SCN7A: variants seen among roughly 807,000 people sequenced by gnomAD.
The protein encoded by SCN7A is sodium voltage-gated channel alpha subunit 7.
In SCN7A, 138 loss-of-function variants were observed where a neutral mutation model predicts 155.2. That is an observed-to-expected ratio of 0.89 (90% confidence interval 0.77 to 1.02). The LOEUF is 1.02. SCN7A is among the 50% of genes least tolerant of loss of function. SCN7A has a pLI of 0.00. For synonymous variants in SCN7A, 693 were observed against 649.0 expected (o/e 1.07, Z -1.03); for missense variants, 2,058 against 1,986.6 (o/e 1.04, Z -0.68).
At chr2:166,458,238 G>A (rs1404636309) in intron 10 of SCN7A, among the ~76,000 whole-genome samples, 1 of 151,824 alleles carries the variant, frequency 6.6e-6, no homozygotes, top group African/African-American at 2.4e-5. Context: ...TGAGGTGGGA[G>A]GATCACCTGA....
chr2:166,465,434 T>C, intron 9 of SCN7A, 28 bp downstream of exon 9: 2 of 1,493,910 alleles, frequency 1.3e-6, no homozygotes. Flanking sequence ...TGATAATGAT[T>C]TAATAGAATA....
chr2:166,443,062 A>T (rs1701992519), intron 14 of SCN7A, among the ~76,000 whole-genome samples: 1 of 152,108 alleles, frequency 6.6e-6, no homozygotes, highest in Admixed American at 6.6e-5. Context: ...TCTCACCATT[A>T]CCCTACCCCA....
At chr2:166,465,674 G>A (rs1002775878) in intron 8 of SCN7A, 107 bp downstream of exon 8, 16 of 1,331,204 alleles carry the variant, frequency 1.2e-5, no homozygotes, top group Admixed American at 7.3e-5. Context: ...TTCAACCAGC[G>A]CCTTTGGGAA....
intron 20 of SCN7A, among the ~76,000 whole-genome samples, chr2:166,420,977 C>T (rs936636393): frequency 5.8e-4 from 88 of 151,868 alleles, no homozygotes; most frequent in African/African-American, 2.1e-3. Flanking sequence ...TTTTACTTGT[C>T]TGTATTGGTT....
At chr2:166,470,553 A>G (rs1702629876) in intron 7 of SCN7A, 62 bp downstream of exon 7, 2 of 1,377,496 alleles carry the variant, frequency 1.5e-6, no homozygotes, top group Admixed American at 4.3e-5. Context: ...AGGGAAGTTC[A>G]AGTGAATACA....
intron 12 of SCN7A, among the ~76,000 whole-genome samples, chr2:166,446,028 G>T (rs1702056034): frequency 6.6e-6 from 1 of 152,032 alleles, no homozygotes; most frequent in South Asian, 2.1e-4. Context: ...TTGACAAATG[G>T]GATCTAATTA....
chr2:166,465,722 A>G, intron 8 of SCN7A, 59 bp downstream of exon 8: 1 of 1,544,938 alleles, frequency 6.5e-7, no homozygotes, highest in Non-Finnish European at 8.9e-7. Flanking sequence ...TTCTGGGAAG[A>G]CTGCTTTGCC....
At chr2:166,483,965 C>G (rs1702989103) in intron 2 of SCN7A, among the ~76,000 whole-genome samples, 1 of 151,846 alleles carries the variant, frequency 6.6e-6, no homozygotes. Context: ...TTAAAAGGAA[C>G]TACTATTATT....
chr2:166,409,872 C>G lies in SCN7A; in HGVS notation c.3775G>C (p.Val1259Leu). 1 of 1,568,820 alleles carries G rather than the reference C, an allele frequency of 6.4e-7. No individual in the cohort carries two copies. Among genetic ancestry groups the G allele is most frequent in the Non-Finnish European group, 8.7e-7 (1 of 1,155,010 alleles). The change falls in exon 25 of 26, where the codon GTT (valine) becomes CTT (leucine). Residue 1259 changes from valine (V) to leucine (L), a missense_variant. Physicochemically the swap from Val to Leu is conservative, Grantham distance 32. Coordinates refer to ENST00000643258, the MANE Select transcript of SCN7A (RefSeq NM_002976.4). ...TSQAFNVIVM[V>L]LICFQAIAMM... Reference sequence around the variant, plus strand: ...GCTATTGCTTGGAAACATATAAGAACCATAACAATGACATTAAAAGCTTGG... The same window carrying G: ...GCTATTGCTTGGAAACATATAAGAAGCATAACAATGACATTAAAAGCTTGG...
rs1264644176 is a variant in SCN7A at position 166,416,876 on chromosome 2, C to A, written c.3245G>T (p.Gly1082Val). The A allele has an allele frequency of 6.2e-7, 1 of 1,613,400 alleles. No homozygotes were observed. The change falls in exon 21 of 26, where the codon GGC becomes GTC. Residue 1082 changes from glycine (G) to valine (V), a missense_variant. Transcript: ENST00000643258. ...TGGGTCAATGCATTCATAGAATCTG[C>A]CAGCAAATAAGTCTACTCCCATGAT... ...FSIMGVDLFA[G>V]RFYECIDPTS... is the part of the protein sequence containing the mutation.
chr2:166,458,570 C>T (rs1702335352), intron 10 of SCN7A, among the ~76,000 whole-genome samples: 2 of 152,134 alleles, frequency 1.3e-5, no homozygotes, highest in African/African-American at 4.8e-5. Context: ...GCATATACAA[C>T]AGTGATCTCA....
intron 18 of SCN7A, 21 bp downstream of exon 18, chr2:166,427,767 A>G: frequency 6.3e-7 from 1 of 1,594,662 alleles, no homozygotes. Context: ...AAAGTATCAA[A>G]CACCCTGGCT....
chr2:166,466,984 T>A (rs1433856003), intron 7 of SCN7A, among the ~76,000 whole-genome samples: 2 of 151,974 alleles, frequency 1.3e-5, no homozygotes, highest in Admixed American at 1.3e-4. Context: ...TGTGATAATC[T>A]AGATTAAATA....
intron 13 of SCN7A, 32 bp downstream of exon 13, chr2:166,444,730 C>A: frequency 8.0e-7 from 1 of 1,245,456 alleles, no homozygotes; most frequent in Non-Finnish European, 1.1e-6. Flanking sequence ...TAAGAAACTG[C>A]AAATGAAAAT....
Position 166,456,918 on chromosome 2 carries a change from T to C in SCN7A, c.1242A>G (p.Lys414=), listed in dbSNP as rs1265008325. 1 of 1,560,448 alleles carries C rather than the reference T, an allele frequency of 6.4e-7. No homozygotes were observed. Among genetic ancestry groups the C allele is most frequent in the East Asian group, 2.4e-5 (1 of 41,958 alleles). The part of the protein sequence containing the change: ...VGEISKKIEP[K]FQQTGKELQE... ...GAAGTTCTTTTCCAGTCTGTTGAAA[T>C]TTTGGTTCAATCTTCTTAGATATTT... Residue 414 remains lysine (K), a synonymous_variant, in exon 11 of 26, where the codon AAA becomes AAG. Coordinates refer to ENST00000643258, the MANE Select transcript of SCN7A (RefSeq NM_002976.4).
At chr2:166,456,676 G>T (rs930892627) in intron 11 of SCN7A, among the ~76,000 whole-genome samples, 194 bp downstream of exon 11, 2 of 152,004 alleles carry the variant, frequency 1.3e-5, no homozygotes, top group Non-Finnish European at 1.5e-5. Flanking sequence ...TAAAGCACTT[G>T]GCATGGTGCT....
Position 166,432,324 on chromosome 2 carries a change from G to C in SCN7A, c.2586C>G (p.Ser862Arg). 3 of 1,602,250 alleles carry C rather than the reference G, an allele frequency of 1.9e-6. No homozygotes were observed. Among genetic ancestry groups the C allele is most frequent in the Non-Finnish European group, 2.6e-6 (3 of 1,174,858 alleles). The part of the protein sequence containing the change: ...EIQSKSGDGG[S>R]KEKIKQSSSS... ...GGATATTTAAACATCTTACCTCTTT[G>C]CTGCCTCCATCACCAGACTTACTCT... The change falls in exon 16 of 26, where the codon AGC becomes AGG. Residue 862 changes from serine (S) to arginine (R), a missense_variant. By Grantham distance (110) the Ser-to-Arg change is moderately radical. Transcript: ENST00000643258.
chr2:166,482,619 G>C (rs1411230280), intron 2 of SCN7A, among the ~76,000 whole-genome samples: 1 of 151,880 alleles, frequency 6.6e-6, no homozygotes, highest in East Asian at 1.9e-4. Flanking sequence ...GGTTTCATCA[G>C]TACTGATTCT....
At chr2:166,480,925 A>G (rs1702912010) in intron 2 of SCN7A, among the ~76,000 whole-genome samples, 1 of 152,244 alleles carries the variant, frequency 6.6e-6, no homozygotes, top group South Asian at 2.1e-4. Context: ...AGTAAAATAT[A>G]TGTATTTGAA....
Sources: gnomAD v4.1 joint callset for allele counts (sites outside exome capture counted in the v4.1 genomes callset) on GRCh38, gnomAD v4.1.1 for gene constraint, MANE v1.5 for transcripts, NCBI Gene and HGNC (gene_info 2026-07-23, HGNC 2026-07-21) for gene names.